Variants in TIAM1 observed in about 807,000 individuals in gnomAD.
TIAM1 encodes TIAM Rac1 associated GEF 1, also known as rho guanine nucleotide exchange factor TIAM1.
In TIAM1, 65 loss-of-function variants were observed where a neutral mutation model predicts 163.5. The ratio of observed to expected loss-of-function variants is 0.40; its 90% CI spans 0.33 to 0.49. The LOEUF is 0.49. Among genes scored for constraint, TIAM1 ranks in the 20% least tolerant of loss-of-function variants. The pLI is 0.77. For missense variants in TIAM1, 1,789 were observed against 2,044.7 expected (o/e 0.87, Z 2.41); for synonymous variants, 833 against 810.1 (o/e 1.03, Z -0.48).
chr21:31,124,452 T>C, intron 27 of TIAM1, 70 bp downstream of exon 27: 1 of 1,586,936 alleles, frequency 6.3e-7, no homozygotes, highest in South Asian at 1.2e-5. Context: ...AACAAGGAGG[T>C]CAAGCTCACT....
rs145050518 is a variant in TIAM1, at chr21:31,480,747, G to A, written c.-421-16712C>T. Among the ~76,000 whole-genome samples the A allele has an allele frequency of 1.1e-4, 17 of 150,836 alleles. No individual in the cohort carries two copies. In the East Asian group the frequency reaches 2.9e-3, roughly 26 times the overall value. ...ACAACATTCATTCATTCATTCATTCGTTTGTTCATTCATTTATTTTTGAGA... is the reference window on the plus strand; with the variant it reads ...ACAACATTCATTCATTCATTCATTCATTTGTTCATTCATTTATTTTTGAGA... On this transcript the variant is annotated intron_variant, in intron 1 of 28. Coordinates refer to the TIAM1 transcript ENST00000286827.
intron 1 of TIAM1, among the ~76,000 whole-genome samples, chr21:31,514,523 CAAA>C (rs1043056393): frequency 2.3e-5 from 2 of 87,938 alleles, no homozygotes. Context: ...ACTAAAAATA[CAAA>C]AAAAAAAAAA....
intron 27 of TIAM1, among the ~76,000 whole-genome samples, chr21:31,122,661 T>G (rs1303395286): frequency 1.3e-5 from 2 of 152,234 alleles, no homozygotes; most frequent in Non-Finnish European, 2.9e-5. Flanking sequence ...AATTGGGTTA[T>G]TGGCAAACGT....
At chr21:31,151,552 G>A (rs2083371747) in intron 19 of TIAM1, among the ~76,000 whole-genome samples, 1 of 152,134 alleles carries the variant, frequency 6.6e-6, no homozygotes, top group South Asian at 2.1e-4. Context: ...TGGAGCAGGG[G>A]TAGAGTGGGA....
chr21:31,507,082 T>A (rs372054148), intron 1 of TIAM1, among the ~76,000 whole-genome samples: 25 of 152,076 alleles, frequency 1.6e-4, no homozygotes, highest in African/African-American at 5.5e-4. Context: ...TCTCTAAGTG[T>A]CTGCTTTCAA....
At chr21:31,549,473 TA>T (rs71812004) in intron 1 of TIAM1, among the ~76,000 whole-genome samples, 18,577 of 151,752 alleles carry the variant, frequency 0.12, 2,041 homozygotes, top group East Asian at 0.63. Flanking sequence ...AACTTATTAA[TA>T]AAAAAAAATT....
chr21:31,411,328 C>A (rs548520559), intron 2 of TIAM1, among the ~76,000 whole-genome samples: 10 of 152,090 alleles, frequency 6.6e-5, no homozygotes, highest in Admixed American at 6.5e-4. Context: ...GACTACAGAG[C>A]AGAAGTTAGC....
chr21:31,423,182 T>C (rs1213818286), intron 2 of TIAM1, among the ~76,000 whole-genome samples: 2 of 133,718 alleles, frequency 1.5e-5, no homozygotes, highest in Non-Finnish European at 3.1e-5. Flanking sequence ...CACTGCAAGC[T>C]CCGCCTCCCG....
At chr21:31,210,788 AAG>A (rs1422073277) in intron 10 of TIAM1, among the ~76,000 whole-genome samples, 1 of 141,194 alleles carries the variant, frequency 7.1e-6, no homozygotes, top group African/African-American at 3.1e-5. Context: ...GAAAGAAAGA[AAG>A]AAAGAAAGAA....
chr21:31,469,439 G>T (rs1327640176), intron 1 of TIAM1, among the ~76,000 whole-genome samples: 1 of 151,986 alleles, frequency 6.6e-6, no homozygotes, highest in Non-Finnish European at 1.5e-5. Flanking sequence ...ACTTTCTCTC[G>T]TGACTCTCTT....
intron 12 of TIAM1, among the ~76,000 whole-genome samples, chr21:31,201,010 C>A (rs1054636358): frequency 5.3e-5 from 8 of 152,252 alleles, no homozygotes; most frequent in African/African-American, 1.9e-4. Flanking sequence ...AAAGAGACCA[C>A]ACAATGGGCA....
chr21:31,487,834 G>A (rs186643287), intron 1 of TIAM1, among the ~76,000 whole-genome samples: 4,780 of 152,092 alleles, frequency 0.031, 257 homozygotes, highest in African/African-American at 0.11. Context: ...TGGGATTACA[G>A]GCGTGAGCCA....
intron 3 of TIAM1, among the ~76,000 whole-genome samples, chr21:31,275,994 G>T (rs1269190535): frequency 6.6e-6 from 1 of 152,112 alleles, no homozygotes; most frequent in African/African-American, 2.4e-5. Flanking sequence ...CTCCAAAACT[G>T]CAGGAGAAAG....
intron 2 of TIAM1, among the ~76,000 whole-genome samples, chr21:31,302,915 A>G (rs1021323643): frequency 1.3e-5 from 2 of 152,218 alleles, no homozygotes; most frequent in Non-Finnish European, 2.9e-5. Context: ...TGGCCAATAT[A>G]TAATTCCATT....
At chr21:31,338,154 C>T (rs2075904962) in intron 2 of TIAM1, among the ~76,000 whole-genome samples, 1 of 152,206 alleles carries the variant, frequency 6.6e-6, no homozygotes, top group Admixed American at 6.5e-5. Flanking sequence ...AGTGGCTACG[C>T]TGCTGTGCGT....
At chr21:31,157,630 ACACT>A (rs2083686289) in intron 16 of TIAM1, among the ~76,000 whole-genome samples, 1 of 151,930 alleles carries the variant, frequency 6.6e-6, no homozygotes, top group Non-Finnish European at 1.5e-5. Context: ...ACACACATAC[ACACT>A]CACTCAGGGA....
chr21:31,498,152 T>C (rs1433966180), intron 1 of TIAM1, among the ~76,000 whole-genome samples: 1 of 152,184 alleles, frequency 6.6e-6, no homozygotes, highest in East Asian at 1.9e-4. Flanking sequence ...CCCTTGGAGA[T>C]AACAGCCAAC....
intron 2 of TIAM1, among the ~76,000 whole-genome samples, chr21:31,352,669 C>A (rs2076254347): frequency 6.6e-6 from 1 of 150,784 alleles, no homozygotes; most frequent in African/African-American, 2.4e-5. Context: ...CTGGCCAACA[C>A]AATGAAACCT....
chr21:31,434,100 A>C (rs1004981128), intron 2 of TIAM1, among the ~76,000 whole-genome samples: 2 of 152,066 alleles, frequency 1.3e-5, no homozygotes, highest in African/African-American at 4.8e-5. Flanking sequence ...CTAAATGTCC[A>C]AATATTTGTT....
Sources: allele counts gnomAD v4.1 joint callset (sites outside exome capture counted in the v4.1 genomes callset), GRCh38; gene constraint gnomAD v4.1.1; transcripts MANE v1.5; gene names NCBI Gene and HGNC (gene_info 2026-07-23, HGNC 2026-07-21).